The following S100A13 variants were observed in gnomAD, a reference collection of about 807,000 sequenced individuals.
S100A13 encodes protein S100-A13.
S100A13 carries 6 observed loss-of-function variants against 8.2 expected under a neutral mutation model. The ratio of observed to expected loss-of-function variants is 0.73; its 90% CI spans 0.40 to 1.44. The LOEUF is 1.44. Among genes scored for constraint, S100A13 ranks in the 40% most tolerant of loss-of-function variants. S100A13 has a pLI of 0.02. For synonymous variants in S100A13, 39 were observed against 45.9 expected (o/e 0.85, Z 0.61); for missense variants, 114 against 113.6 (o/e 1.00, Z -0.02).
chr1:153,632,747 G>A (rs759352356), upstream of S100A13, among the ~76,000 whole-genome samples: 9 of 151,984 alleles, frequency 5.9e-5, no homozygotes, highest in South Asian at 2.1e-4. Flanking sequence ...ACACGCACAC[G>A]CCCAAGTGCC....
chr1:153,630,691 G>A, upstream of S100A13: 5 of 1,611,644 alleles, frequency 3.1e-6, no homozygotes, highest in Non-Finnish European at 4.2e-6. Flanking sequence ...AGTGGGAGTG[G>A]AGTGGGTGAA....
chr1:153,624,803 G>A (rs961363205), intron 2 of S100A13, among the ~76,000 whole-genome samples: 5 of 152,096 alleles, frequency 3.3e-5, no homozygotes, highest in Non-Finnish European at 2.9e-5. Context: ...GGCCAGGCGC[G>A]GTGGCTCACG....
chr1:153,625,337 C>T (rs181709020), intron 2 of S100A13, among the ~76,000 whole-genome samples: 30 of 152,312 alleles, frequency 2.0e-4, no homozygotes, highest in Non-Finnish European at 1.0e-4. Context: ...CACACTTCAA[C>T]GTGCCTGTGG....
chr1:153,628,345 C>T (rs1667799678), upstream of S100A13: 1 of 1,534,666 alleles, frequency 6.5e-7, no homozygotes, highest in Admixed American at 2.0e-5. Flanking sequence ...CCTTGCCCCA[C>T]AGGGTGTTCG....
At chr1:153,632,518 G>A (rs542850907), upstream of S100A13, among the ~76,000 whole-genome samples, 7 of 152,050 alleles carry the variant, frequency 4.6e-5, no homozygotes, top group Admixed American at 1.3e-4. Context: ...TGATCCCCCC[G>A]CCTCGGCCTC....
intron 2 of S100A13, among the ~76,000 whole-genome samples, chr1:153,621,693 G>A (rs28662066): frequency 0.57 from 79,459 of 139,982 alleles, 22,783 homozygotes; most frequent in East Asian, 0.67. Flanking sequence ...AAAAAAAAAA[G>A]AAAGAAAGAA....
At chr1:153,633,998 C>T (rs1384882268), upstream of S100A13, 2 of 152,422 alleles carry the variant, frequency 1.3e-5, no homozygotes. Context: ...GCCCTCTAGT[C>T]GTGCGCGGAT....
At chr1:153,632,423 C>T (rs1668074190), upstream of S100A13, among the ~76,000 whole-genome samples, 1 of 151,800 alleles carries the variant, frequency 6.6e-6, no homozygotes, top group African/African-American at 2.4e-5. Context: ...AGGCGCCTGC[C>T]ACCACGCCCG....
upstream of S100A13, chr1:153,630,582 G>C: frequency 6.2e-7 from 1 of 1,614,268 alleles, no homozygotes; most frequent in African/African-American, 1.3e-5. Context: ...CGCCCACTCG[G>C]GCAAAGAGGG....
chr1:153,630,745 C>T, upstream of S100A13: 3 of 1,528,816 alleles, frequency 2.0e-6, no homozygotes, highest in Non-Finnish European at 2.7e-6. Flanking sequence ...TCTCCCCACC[C>T]CACCTCCAGC....
upstream of S100A13, chr1:153,627,955 A>G: frequency 7.2e-7 from 1 of 1,395,264 alleles, no homozygotes; most frequent in South Asian, 1.4e-5. Flanking sequence ...GAGGCCCCAC[A>G]CACAGAGGGG....
upstream of S100A13, chr1:153,627,927 C>T (rs891328813): frequency 4.3e-6 from 5 of 1,154,668 alleles, no homozygotes; most frequent in Non-Finnish European, 4.8e-6. Context: ...ACCAAGATCC[C>T]TCAGAGAACC....
chr1:153,620,280 C>CT (rs979917198), intron 2 of S100A13, among the ~76,000 whole-genome samples: 18 of 151,452 alleles, frequency 1.2e-4, no homozygotes, highest in African/African-American at 4.1e-4. Flanking sequence ...GAGTGGGACT[C>CT]TGTCTCAAAA....
chr1:153,628,204 TC>T (rs774024496), upstream of S100A13: 133 of 1,549,364 alleles, frequency 8.6e-5, 1 homozygote, highest in Middle Eastern at 1.0e-3. Flanking sequence ...AGGACCTCCT[TC>T]CCACCTCTTT....
chr1:153,631,839 T>C, upstream of S100A13: 1 of 1,613,710 alleles, frequency 6.2e-7, no homozygotes, highest in Non-Finnish European at 8.5e-7. Context: ...GGAGAACAGT[T>C]GAGCAGACAG....
upstream of S100A13, chr1:153,628,355 G>C (rs1041586672): frequency 5.6e-5 from 86 of 1,539,160 alleles, no homozygotes; most frequent in Non-Finnish European, 7.4e-5. Context: ...CAGGGTGTTC[G>C]TCTGTGAAGG....
In S100A13 at chr1:153,626,242, A is replaced by G. The variant is rs181294157; in HGVS notation, c.153+78T>C. 60 of 1,337,744 alleles carry G rather than the reference A, an allele frequency of 4.5e-5. 1 individual carries two copies. In the East Asian group the frequency reaches 1.3e-3, roughly 28 times the overall value. The allele number at this position is 1,337,744 out of a possible 1,614,324, so 82.9% of individuals were successfully genotyped here. A position where few individuals can be genotyped will look rare whatever the true frequency, so the allele number is the denominator to read the frequency against. On this transcript the variant is annotated intron_variant, in intron 2 of 2. Coordinates refer to ENST00000476133, the MANE Select transcript of S100A13 (RefSeq NM_001024211.2). ...CCCTTTCTTGTGGTCACCTCACCGT[A>G]CTCGGCACCATCACGTCCTAAACAC... is the stretch of plus-strand genomic sequence containing the variant.
upstream of S100A13, chr1:153,631,479 G>A (rs546993007): frequency 2.7e-5 from 43 of 1,598,648 alleles, no homozygotes; most frequent in Non-Finnish European, 3.0e-5. Context: ...CTGAACATAC[G>A]GTAACTGGTG....
At chr1:153,633,800 A>G (rs1371362496), upstream of S100A13, among the ~76,000 whole-genome samples, 1 of 128,504 alleles carries the variant, frequency 7.8e-6, no homozygotes, top group Non-Finnish European at 1.7e-5. Flanking sequence ...ATCCCCTCTA[A>G]GGCCCACATT....
Sources: allele counts gnomAD v4.1 joint callset (sites outside exome capture counted in the v4.1 genomes callset), GRCh38; gene constraint gnomAD v4.1.1; transcripts MANE v1.5; gene names NCBI Gene and HGNC (gene_info 2026-07-23, HGNC 2026-07-21).